LAP3: variants seen among roughly 807,000 people sequenced by gnomAD.
LAP3 encodes the protein cytosol aminopeptidase.
LAP3 carries 46 observed loss-of-function variants against 58.8 expected under a neutral mutation model. The ratio of observed to expected loss-of-function variants is 0.78; its 90% CI spans 0.62 to 1.00. The LOEUF (loss-of-function observed/expected upper bound fraction) is 1.00. Among genes scored for constraint, LAP3 ranks in the 50% least tolerant of loss-of-function variants. LAP3 has a pLI of 0.00. For missense variants in LAP3, 615 were observed against 659.1 expected, an observed-to-expected ratio of 0.93 and a Z score of 0.73; for synonymous variants, 257 against 237.7, an observed-to-expected ratio of 1.08 and a Z score of -0.75.
chr4:17,585,265 T>G (rs1713478736), intron 6 of LAP3, 129 bp downstream of exon 6: 6 of 700,196 alleles, frequency 8.6e-6, no homozygotes, highest in African/African-American at 1.8e-5. Context: ...CCCACTTGGG[T>G]CCACATGGGG....
intron 4 of LAP3, 79 bp from the exon 5 acceptor site, chr4:17,583,404 A>G (rs1379652037): frequency 3.3e-6 from 5 of 1,520,100 alleles, no homozygotes; most frequent in African/African-American, 1.4e-5. Flanking sequence ...TTCTCAGCAC[A>G]TCACATCATG....
At chr4:17,600,386 C>G (rs1023532133) in intron 10 of LAP3, among the ~76,000 whole-genome samples, 2 of 147,974 alleles carry the variant, frequency 1.4e-5, no homozygotes, top group Non-Finnish European at 3.0e-5. Flanking sequence ...AAACACTTTA[C>G]CTGAAAAGCA....
intron 10 of LAP3, among the ~76,000 whole-genome samples, chr4:17,602,747 C>T (rs940733562): frequency 5.9e-5 from 9 of 151,968 alleles, no homozygotes; most frequent in Non-Finnish European, 1.0e-4. Context: ...TGCAGTGGCA[C>T]GATCTCAGCT....
Position 17,583,586 on chromosome 4 carries a change from A to G in LAP3, c.483A>G (p.Glu161=), listed in dbSNP as rs200395913. 1.5e-5 allele frequency: 25 copies of G among 1,614,134 alleles called. No individual in the cohort carries two copies. The East Asian group carries it at 5.6e-4, about 36-fold the overall frequency. The change falls in exon 5 of 13, where the codon GAA becomes GAG. Residue 161 remains glutamate, a synonymous_variant. Coordinates refer to ENST00000226299, the MANE Select transcript of LAP3 (RefSeq NM_015907.3). ...AGGGAGCGGTGCTTGGTCTCTATGAATACGATGACCTAAAGCAAAAAAAGA... is the reference window on the plus strand; with the variant it reads ...AGGGAGCGGTGCTTGGTCTCTATGAGTACGATGACCTAAAGCAAAAAAAGA... ...AAEGAVLGLY[E]YDDLKQKKKM... is the part of the protein sequence containing the mutation.
At position 17,577,206 on chromosome 4, in the gene LAP3, A is replaced by ATGCGGGCGCACACGAG; in HGVS notation, c.-245_-244insGTGCGGGCGCACACGA. 1 of 300,152 alleles carries ATGCGGGCGCACACGAG rather than the reference A, an allele frequency of 3.3e-6. No homozygotes were observed. The highest frequency in any genetic ancestry group is 5.6e-6 in the Non-Finnish European group (1 of 178,902). 18.6% of individuals were successfully genotyped at this position (300,152 alleles called of 1,614,324 possible). A position where few individuals can be genotyped will look rare whatever the true frequency, so the allele number is the denominator to read the frequency against. On this transcript the variant is annotated 5_prime_UTR_variant, in exon 1 of 13. The change creates a premature stop within an existing upstream ORF in the 5' untranslated region. Coordinates refer to ENST00000226299, the MANE Select transcript of LAP3 (RefSeq NM_015907.3). ...CGCCCGCATGCGCGGGCGCACACGA[A>ATGCGGGCGCACACGAG]TGCGGGCGCACACGAATGCGGGCGC...
chr4:17,579,421 C>A (rs1312175860), intron 1 of LAP3, among the ~76,000 whole-genome samples: 1 of 152,170 alleles, frequency 6.6e-6, no homozygotes, highest in African/African-American at 2.4e-5. Context: ...GTTTCTCAAG[C>A]GCCTTTGGCT....
chr4:17,595,565 C>A lies in LAP3; in HGVS notation c.988+31C>A, dbSNP rs375189008. ...TGGGGTAACGGATTACATCTCATAACGCTTCTGGATTCTAGCCAGGTGGGA... is the reference window on the plus strand; with the variant it reads ...TGGGGTAACGGATTACATCTCATAAAGCTTCTGGATTCTAGCCAGGTGGGA... On this transcript the variant is annotated intron_variant, in intron 8 of 12. Transcript: ENST00000226299. 5 of 1,607,896 alleles carry A rather than the reference C, an allele frequency of 3.1e-6. No individual in the cohort carries two copies. In the South Asian group the frequency reaches 5.5e-5, roughly 18 times the overall value.
intron 7 of LAP3, among the ~76,000 whole-genome samples, chr4:17,589,656 C>T (rs1331671998): frequency 6.6e-6 from 1 of 151,818 alleles, no homozygotes; most frequent in Non-Finnish European, 1.5e-5. Context: ...GATGAGTTTT[C>T]ACTGTGTTGC....
At chr4:17,585,787 C>G (rs1046947619) in intron 6 of LAP3, 1 of 152,226 alleles carries the variant, frequency 6.6e-6, no homozygotes, top group Non-Finnish European at 1.5e-5. Context: ...TTTTCATAAC[C>G]CCCAAAGGAA....
At chr4:17,584,509 A>C (rs976477212) in intron 5 of LAP3, among the ~76,000 whole-genome samples, 1 of 152,208 alleles carries the variant, frequency 6.6e-6, no homozygotes, top group African/African-American at 2.4e-5. Flanking sequence ...GCCCCGACTT[A>C]GGTAAAAGAA....
rs966025476 is a variant in LAP3 at position 17,583,285 on chromosome 4, G to A, written c.380-198G>A. On this transcript the variant is annotated intron_variant, in intron 4 of 12. Transcript: ENST00000226299. ...ATCAGCCTGTCCTCACCACCACCTG[G>A]GAGTGAGGTACTTGCTGTAAAATGC... 4.9e-6 allele frequency: 3 copies of A among 618,084 alleles called. No homozygotes were observed. In the East Asian group the frequency reaches 8.2e-5, roughly 17 times the overall value. The allele number at this position is 618,084 out of a possible 1,614,324, so 38.3% of individuals were successfully genotyped here.
chr4:17,585,546 C>T, intron 6 of LAP3: 1 of 161,296 alleles, frequency 6.2e-6, no homozygotes, highest in Non-Finnish European at 1.4e-5. Context: ...CCCTAGCCTC[C>T]TCAATAGCTG....
intron 3 of LAP3, 91 bp from the exon 4 acceptor site, chr4:17,582,197 G>T: frequency 1.0e-6 from 1 of 978,952 alleles, no homozygotes; most frequent in Non-Finnish European, 1.6e-6. Context: ...AATTGTGTGG[G>T]AGCTCAGTGA....
Position 17,588,898 on chromosome 4 carries a change from T to C in LAP3, c.784T>C (p.Leu262=), listed in dbSNP as rs1487449975. The C allele has an allele frequency of 1.2e-6, 2 of 1,614,046 alleles. No homozygotes were observed. The highest frequency in any genetic ancestry group is 1.3e-5 in the African/African-American group (1 of 74,934). ...AKGSDEPPVF[L]EIHYKGSPNA... Reference sequence around the variant, plus strand: ...AGGATCTGACGAGCCCCCAGTCTTCTTGGAAATTCACTACAAAGGCAGCCC... The same window carrying C: ...AGGATCTGACGAGCCCCCAGTCTTCCTGGAAATTCACTACAAAGGCAGCCC... Residue 262 remains leucine, a synonymous_variant, in exon 7 of 13, where the codon TTG becomes CTG. Coordinates refer to ENST00000226299, the MANE Select transcript of LAP3 (RefSeq NM_015907.3).
intron 12 of LAP3, 51 bp downstream of exon 12, chr4:17,606,989 A>G: frequency 1.6e-6 from 2 of 1,224,796 alleles, no homozygotes; most frequent in Middle Eastern, 1.9e-4. Flanking sequence ...TTGATTGCCA[A>G]AATAGCTATT....
At chr4:17,592,376 T>C (rs1713709178) in intron 7 of LAP3, among the ~76,000 whole-genome samples, 5 of 152,352 alleles carry the variant, frequency 3.3e-5, no homozygotes, top group African/African-American at 1.2e-4. Context: ...GGTTTATCTA[T>C]GTTGTTGGTC....
At chr4:17,597,155 G>C in intron 9 of LAP3, 21 bp downstream of exon 9, 1 of 1,593,226 alleles carries the variant, frequency 6.3e-7, no homozygotes, top group Middle Eastern at 1.7e-4. Flanking sequence ...GTGAGACACA[G>C]CACTCCCCAT....
chr4:17,607,669 A>G lies in LAP3; in HGVS notation c.*80A>G, dbSNP rs1696596221. 9.0e-7 allele frequency: 1 copy of G among 1,114,470 alleles called. No homozygotes were observed. The highest frequency in any genetic ancestry group is 1.3e-6 in the Non-Finnish European group (1 of 793,182). 69.0% of individuals were successfully genotyped at this position (1,114,470 alleles called of 1,614,324 possible). ...AAGGTTTTTGAATAAATGGATGAAA[A>G]TCTTTTAACGGAGACAAAGGATGGT... On this transcript the variant is annotated 3_prime_UTR_variant, in exon 13 of 13. Coordinates refer to ENST00000226299, the MANE Select transcript of LAP3 (RefSeq NM_015907.3).
At chr4:17,605,148 A>ACACC (rs1560153024) in intron 11 of LAP3, among the ~76,000 whole-genome samples, 3 of 132,560 alleles carry the variant, frequency 2.3e-5, no homozygotes, top group Admixed American at 7.6e-5. Context: ...ACACACACAC[A>ACACC]CCCTCACTTA....
Sources: allele counts gnomAD v4.1 joint callset (sites outside exome capture counted in the v4.1 genomes callset), GRCh38; gene constraint gnomAD v4.1.1; transcripts MANE v1.5; gene names NCBI Gene and HGNC (gene_info 2026-07-23, HGNC 2026-07-21).